The following MNAT1 variants were observed in gnomAD, a reference collection of about 807,000 sequenced individuals.
The protein encoded by MNAT1 is MNAT1 component of CDK activating kinase, also known as CDK-activating kinase assembly factor MAT1.
A neutral mutation model predicts 42.0 loss-of-function variants in MNAT1; 43 were observed. That is an observed-to-expected ratio of 1.02 (90% CI 0.80 to 1.32). The LOEUF (loss-of-function observed/expected upper bound fraction) is 1.32, where lower values mean the gene tolerates loss of function less well. Ranked by LOEUF, MNAT1 falls within the 40% of genes most tolerant of loss-of-function variation. The pLI is 0.00. For synonymous variants in MNAT1, 118 were observed against 120.0 expected, an observed-to-expected ratio of 0.98 and a Z score of 0.11; for missense variants, 306 against 350.4, an observed-to-expected ratio of 0.87 and a Z score of 1.01.
intron 1 of MNAT1, among the ~76,000 whole-genome samples, chr14:60,755,373 A>C (rs998614900): frequency 7.9e-5 from 12 of 152,076 alleles, no homozygotes; most frequent in Admixed American, 7.9e-4. Flanking sequence ...TGATCTCCTG[A>C]CCTCATGATC....
At chr14:60,877,154 G>C (rs764555725) in intron 6 of MNAT1, among the ~76,000 whole-genome samples, 9 of 151,954 alleles carry the variant, frequency 5.9e-5, no homozygotes, top group Non-Finnish European at 1.3e-4. Context: ...GGTGTGAAGT[G>C]GTATCTCACT....
chr14:60,926,773 G>T (rs1475626111), intron 7 of MNAT1, among the ~76,000 whole-genome samples: 4 of 152,136 alleles, frequency 2.6e-5, no homozygotes, highest in African/African-American at 9.7e-5. Context: ...GGCCATTGGT[G>T]ATTAACTCAA....
intron 6 of MNAT1, among the ~76,000 whole-genome samples, chr14:60,842,166 C>G (rs1409747070): frequency 6.6e-6 from 1 of 152,184 alleles, no homozygotes; most frequent in Non-Finnish European, 1.5e-5. Context: ...ATATATTTTT[C>G]TGCTTTTACA....
intron 6 of MNAT1, among the ~76,000 whole-genome samples, chr14:60,838,299 C>T (rs938126558): frequency 7.2e-5 from 11 of 151,944 alleles, no homozygotes; most frequent in East Asian, 5.8e-4. Flanking sequence ...CCACACCTGG[C>T]GAATTTTTTT....
intron 7 of MNAT1, among the ~76,000 whole-genome samples, chr14:60,927,796 C>A (rs1459431194): frequency 2.0e-5 from 3 of 152,076 alleles, no homozygotes; most frequent in African/African-American, 7.2e-5. Context: ...GCCTTGTGTG[C>A]CTCTGAGGGT....
At chr14:60,749,739 T>C (rs1248267085) in intron 1 of MNAT1, among the ~76,000 whole-genome samples, 1 of 152,218 alleles carries the variant, frequency 6.6e-6, no homozygotes, top group Non-Finnish European at 1.5e-5. Flanking sequence ...TTCAGGAATC[T>C]TTTGGCAATT....
At chr14:60,877,975 T>C (rs375709233) in intron 6 of MNAT1, among the ~76,000 whole-genome samples, 1 of 152,054 alleles carries the variant, frequency 6.6e-6, no homozygotes, top group Non-Finnish European at 1.5e-5. Context: ...TTTGATATCA[T>C]GTAAAGACTT....
chr14:60,853,445 G>A (rs1429987188), intron 6 of MNAT1, among the ~76,000 whole-genome samples: 1 of 152,062 alleles, frequency 6.6e-6, no homozygotes, highest in Non-Finnish European at 1.5e-5. Context: ...GAGTTTTTGG[G>A]GTGAGATGAT....
rs547431143 is a variant in MNAT1 at position 60,825,517 on chromosome 14, C to T, written c.687+6670C>T. 3.9e-5 allele frequency among the ~76,000 whole-genome samples: 6 copies of T among 152,216 alleles called. No individual in the cohort carries two copies. In the South Asian group the frequency reaches 1.2e-3, roughly 32 times the overall value. On this transcript the variant is annotated intron_variant, in intron 6 of 7. Transcript: ENST00000261245. The stretch of plus-strand genomic sequence containing the variant: ...CAGCATAGTCTGGCTGCTGGATATG[C>T]AAGAATACAGACATTACTTAAGAAT...
At chr14:60,918,596 A>G (rs1488198145) in intron 7 of MNAT1, among the ~76,000 whole-genome samples, 2 of 151,740 alleles carry the variant, frequency 1.3e-5, no homozygotes, top group African/African-American at 4.8e-5. Context: ...AAAATGTATC[A>G]ACTAAATTAT....
At chr14:60,905,436 G>A (rs779826151) in intron 7 of MNAT1, among the ~76,000 whole-genome samples, 3 of 152,110 alleles carry the variant, frequency 2.0e-5, no homozygotes, top group Non-Finnish European at 4.4e-5. Context: ...AGAATCAATA[G>A]GACATTTAGA....
chr14:60,811,647 C>T (rs2032549274), intron 4 of MNAT1, among the ~76,000 whole-genome samples: 3 of 152,072 alleles, frequency 2.0e-5, no homozygotes, highest in African/African-American at 7.2e-5. Context: ...AACTAGTCCT[C>T]CTATTGTCAG....
At chr14:60,963,352 A>T (rs1216873507) in intron 7 of MNAT1, among the ~76,000 whole-genome samples, 1 of 152,100 alleles carries the variant, frequency 6.6e-6, no homozygotes, top group African/African-American at 2.4e-5. Flanking sequence ...GTCTTTTCTC[A>T]TTTATCTTAG....
At chr14:60,766,742 G>T (rs1409245783) in intron 1 of MNAT1, among the ~76,000 whole-genome samples, 1 of 152,116 alleles carries the variant, frequency 6.6e-6, no homozygotes, top group Non-Finnish European at 1.5e-5. Flanking sequence ...GAAACTTTTA[G>T]ATATGGGACA....
Position 60,889,929 on chromosome 14 carries a change from A to G in MNAT1, c.809+10094A>G, listed in dbSNP as rs1027984801. ...CCATTTCACACCAATTAGAATGGCA[A>G]TCATTAAAAAGTCAGGAAACAACAG... On this transcript the variant is annotated intron_variant, in intron 7 of 7. Transcript: ENST00000261245. 1.8e-4 allele frequency among the ~76,000 whole-genome samples: 27 copies of G among 152,346 alleles called. 1 individual carries two copies. Among genetic ancestry groups the G allele is most frequent in the East Asian group, 5.8e-4 (3 of 5,184 alleles).
At chr14:60,954,437 C>T (rs1182256901) in intron 7 of MNAT1, among the ~76,000 whole-genome samples, 1 of 152,038 alleles carries the variant, frequency 6.6e-6, no homozygotes, top group African/African-American at 2.4e-5. Context: ...AGATCTTCAC[C>T]TCCTTGGTTA....
chr14:60,734,781 C>G lies in MNAT1; in HGVS notation c.-82C>G, dbSNP rs1896254140. The G allele has an allele frequency of 7.5e-7, 1 of 1,326,604 alleles. No homozygotes were observed. Among genetic ancestry groups the G allele is most frequent in the Non-Finnish European group, 1.1e-6 (1 of 925,806 alleles). The allele number at this position is 1,326,604 out of a possible 1,614,324, so 82.2% of individuals were successfully genotyped here. On this transcript the variant is annotated 5_prime_UTR_variant, in exon 1 of 8. Coordinates refer to ENST00000261245, the MANE Select transcript of MNAT1 (RefSeq NM_002431.4). The surrounding 1 kb of genome is among the most constrained non-coding windows in gnomAD (Gnocchi z 4.3). The stretch of plus-strand genomic sequence containing the variant: ...CTGCCAAGCGCCTGTTGGTAGGAAC[C>G]TGCTTGGTCGCGTCTGAGGGGGCTT...
intron 5 of MNAT1, among the ~76,000 whole-genome samples, chr14:60,813,975 T>C (rs2032635732): frequency 6.6e-6 from 1 of 152,180 alleles, no homozygotes; most frequent in South Asian, 2.1e-4. Context: ...TAATATCCAT[T>C]TTATTTTCAG....
chr14:60,765,404 G>A (rs1321854107), intron 1 of MNAT1, among the ~76,000 whole-genome samples: 1 of 152,172 alleles, frequency 6.6e-6, no homozygotes. Context: ...GATAGCATTA[G>A]GAGAAATACC....
Sources: allele counts gnomAD v4.1 joint callset (sites outside exome capture counted in the v4.1 genomes callset), GRCh38; gene constraint gnomAD v4.1.1; non-coding constraint Gnocchi (gnomAD v3.1); transcripts MANE v1.5; gene names NCBI Gene and HGNC (gene_info 2026-07-23, HGNC 2026-07-21).